MAST4: variants seen among roughly 807,000 people sequenced by gnomAD.
MAST4 encodes the protein microtubule-associated serine/threonine-protein kinase 4.
Under a neutral mutation model 162.7 loss-of-function variants are expected in MAST4, and 89 were observed. That is an observed-to-expected ratio of 0.55 (90% CI 0.46 to 0.65). MAST4 has a LOEUF of 0.65. MAST4 is among the 30% of genes least tolerant of loss of function. The pLI is 0.00. For synonymous variants in MAST4, 1,479 were observed against 1,361.1 expected, an observed-to-expected ratio of 1.09 and a Z score of -1.91; for missense variants, 3,153 against 3,374.0, an observed-to-expected ratio of 0.93 and a Z score of 1.62.
rs67155627 is a variant in MAST4 at position 67,061,592 on chromosome 5, TA to T, written c.763+7101del. On this transcript the variant is annotated intron_variant, in intron 5 of 28. Transcript: ENST00000403625. Reference sequence around the variant, plus strand: ...TGGTCCAAACTGTCAGTCTTTTTTTTATTCTTCTGATTTCTTCCAAGTTTGT... The same window carrying T: ...TGGTCCAAACTGTCAGTCTTTTTTTTTTCTTCTGATTTCTTCCAAGTTTGT... 9.3e-3 allele frequency among the ~76,000 whole-genome samples: 1,416 copies of T among 151,696 alleles called. 20 individuals are homozygous for T. The highest frequency in any genetic ancestry group is 0.031 in the African/African-American group (1,277 of 41,230).
At chr5:66,627,362 T>G (rs751755611) in intron 1 of MAST4, among the ~76,000 whole-genome samples, 11 of 152,138 alleles carry the variant, frequency 7.2e-5, no homozygotes, top group Non-Finnish European at 1.2e-4. Context: ...TAGATTTGGG[T>G]GGGTTCACGC....
chr5:66,926,562 C>CTATATA (rs200663380), intron 4 of MAST4, among the ~76,000 whole-genome samples: 86 of 127,164 alleles, frequency 6.8e-4, no homozygotes, highest in East Asian at 1.5e-3. Flanking sequence ...CTCTCTTTCT[C>CTATATA]TCTCTATATA....
intron 1 of MAST4, among the ~76,000 whole-genome samples, chr5:66,611,293 A>C (rs1182208673): frequency 6.6e-6 from 1 of 152,190 alleles, no homozygotes; most frequent in Non-Finnish European, 1.5e-5. Context: ...CGGCGACCTT[A>C]CACTCAAGTG....
intron 4 of MAST4, among the ~76,000 whole-genome samples, chr5:67,023,934 A>T (rs1033081511): frequency 6.6e-6 from 1 of 151,874 alleles, no homozygotes; most frequent in African/African-American, 2.4e-5. Context: ...TACACATACA[A>T]TTTACCATCT....
At chr5:66,776,965 G>A (rs1383707530) in intron 2 of MAST4, among the ~76,000 whole-genome samples, 2 of 152,116 alleles carry the variant, frequency 1.3e-5, no homozygotes, top group East Asian at 3.9e-4. Context: ...TGCCAGAATC[G>A]GTAAAAGCAT....
intron 24 of MAST4, among the ~76,000 whole-genome samples, chr5:67,151,112 C>G (rs1316633153): frequency 2.0e-5 from 3 of 152,196 alleles, no homozygotes; most frequent in African/African-American, 7.2e-5. Flanking sequence ...CACACACAGA[C>G]AGTTTCACAT....
chr5:66,692,514 C>T (rs1428208802), intron 1 of MAST4, among the ~76,000 whole-genome samples: 3 of 151,626 alleles, frequency 2.0e-5, no homozygotes, highest in Non-Finnish European at 4.4e-5. Context: ...GGAGATGAAC[C>T]AGGGCTATTC....
intron 1 of MAST4, among the ~76,000 whole-genome samples, chr5:66,717,527 A>C (rs763151914): frequency 5.3e-5 from 8 of 152,186 alleles, no homozygotes; most frequent in Non-Finnish European, 1.0e-4. Flanking sequence ...CACCTAGTGC[A>C]GTCTCAGCCA....
At chr5:66,765,532 G>A (rs147046333) in intron 2 of MAST4, among the ~76,000 whole-genome samples, 9 of 152,048 alleles carry the variant, frequency 5.9e-5, no homozygotes, top group African/African-American at 2.2e-4. Flanking sequence ...TCCACAGTTC[G>A]TTGAATCTGG....
chr5:66,900,264 G>A (rs756082851), intron 4 of MAST4, among the ~76,000 whole-genome samples: 13 of 152,022 alleles, frequency 8.6e-5, no homozygotes, highest in Non-Finnish European at 1.6e-4. Flanking sequence ...TATTTGGTTA[G>A]GAGACAGAGT....
At chr5:67,056,703 G>GT (rs1758869420) in intron 5 of MAST4, among the ~76,000 whole-genome samples, 1 of 152,062 alleles carries the variant, frequency 6.6e-6, no homozygotes, top group Admixed American at 6.6e-5. Flanking sequence ...AGAGTGTTTT[G>GT]TTTTTGTTTT....
chr5:66,682,167 C>T (rs1748371723), intron 1 of MAST4, among the ~76,000 whole-genome samples: 1 of 150,910 alleles, frequency 6.6e-6, no homozygotes, highest in Non-Finnish European at 1.5e-5. Flanking sequence ...AGTTATAAGG[C>T]TGCCCCATAG....
chr5:67,086,804 G>A (rs866625463), intron 5 of MAST4, among the ~76,000 whole-genome samples: 125 of 152,154 alleles, frequency 8.2e-4, no homozygotes, highest in African/African-American at 2.8e-3. Flanking sequence ...TATAAGACTC[G>A]GGTTTCACTC....
chr5:66,780,454 T>A (rs1340084601), intron 2 of MAST4, among the ~76,000 whole-genome samples: 1 of 152,162 alleles, frequency 6.6e-6, no homozygotes, highest in Non-Finnish European at 1.5e-5. Context: ...GTCCAGAGTT[T>A]CTTCCTTCCA....
At chr5:66,994,794 T>G (rs58337096) in intron 4 of MAST4, among the ~76,000 whole-genome samples, 5,753 of 152,242 alleles carry the variant, frequency 0.038, 335 homozygotes, top group African/African-American at 0.13. Flanking sequence ...TTATAGCTAT[T>G]TAATTCTTTG....
intron 5 of MAST4, among the ~76,000 whole-genome samples, chr5:67,062,383 G>A (rs1257025611): frequency 6.6e-6 from 1 of 152,058 alleles, no homozygotes; most frequent in Admixed American, 6.6e-5. Flanking sequence ...GGGCGACAGA[G>A]CAAGATGGTC....
chr5:66,691,467 T>TA (rs1749035221), intron 1 of MAST4, among the ~76,000 whole-genome samples: 1 of 152,168 alleles, frequency 6.6e-6, no homozygotes, highest in Non-Finnish European at 1.5e-5. Flanking sequence ...AACGGCTACA[T>TA]AAAAAATGAA....
At chr5:66,968,699 T>C (rs1430467379) in intron 4 of MAST4, among the ~76,000 whole-genome samples, 1 of 152,212 alleles carries the variant, frequency 6.6e-6, no homozygotes, top group Admixed American at 6.5e-5. Context: ...AGAAGGTATG[T>C]TTTGAGAGCA....
intron 27 of MAST4, 27 bp from the exon 28 acceptor site, chr5:67,162,580 G>T: frequency 6.2e-7 from 1 of 1,611,212 alleles, no homozygotes; most frequent in Non-Finnish European, 8.5e-7. Flanking sequence ...AAAGAAGACT[G>T]AACAATTTTT....
Sources: allele counts gnomAD v4.1 joint callset (sites outside exome capture counted in the v4.1 genomes callset), GRCh38; gene constraint gnomAD v4.1.1; transcripts MANE v1.5; gene names NCBI Gene and HGNC (gene_info 2026-07-23, HGNC 2026-07-21).